ZP3: variants seen among roughly 807,000 people sequenced by gnomAD.
ZP3 encodes zona pellucida glycoprotein 3, also known as zona pellucida sperm-binding protein 3.
ZP3 carries 21 observed loss-of-function variants against 35.6 expected under a neutral mutation model. The observed-to-expected ratio is 0.59, with a 90% confidence interval of 0.42 to 0.85. ZP3 has a LOEUF of 0.85. ZP3 is among the 40% of genes least tolerant of loss of function. The pLI, the probability that ZP3 is intolerant of heterozygous loss-of-function variation, is 0.00. For synonymous variants in ZP3, 207 were observed against 214.5 expected, an observed-to-expected ratio of 0.96 and a Z score of 0.31; for missense variants, 437 against 536.5, an observed-to-expected ratio of 0.81 and a Z score of 1.83.
intron 1 of ZP3, among the ~76,000 whole-genome samples, chr7:76,417,344 C>G (rs1805401770): frequency 1.3e-5 from 2 of 152,088 alleles, no homozygotes; most frequent in Non-Finnish European, 1.5e-5. Flanking sequence ...CAGGCGTGAG[C>G]CACCGTGCCC....
intron 1 of ZP3, chr7:76,404,252 G>T: frequency 1.3e-6 from 2 of 1,484,778 alleles, no homozygotes; most frequent in Non-Finnish European, 1.8e-6. Flanking sequence ...GTTACAGCTG[G>T]GACAACTGAG....
At chr7:76,415,768 TA>T in intron 1 of ZP3, among the ~76,000 whole-genome samples, 1 of 151,584 alleles carries the variant, frequency 6.6e-6, no homozygotes, top group South Asian at 2.1e-4. Flanking sequence ...GTGCTGCAAT[TA>T]CAGGCATGAG....
intron 5 of ZP3, among the ~76,000 whole-genome samples, chr7:76,436,049 T>TCC (rs1805996083): frequency 2.6e-3 from 123 of 46,686 alleles, no homozygotes; most frequent in South Asian, 0.016. Flanking sequence ...TTTTTTTTTT[T>TCC]TTTTTTTTTT....
chr7:76,411,423 C>CG (rs1274644479), intron 1 of ZP3, among the ~76,000 whole-genome samples: 1 of 151,842 alleles, frequency 6.6e-6, no homozygotes, highest in Non-Finnish European at 1.5e-5. Context: ...GAAACATAGC[C>CG]GGGCATGATG....
At chr7:76,400,468 T>A (rs1804783454) in intron 1 of ZP3, 1 of 1,608,460 alleles carries the variant, frequency 6.2e-7, no homozygotes, top group African/African-American at 1.3e-5. Flanking sequence ...ACAGCCCAGC[T>A]GGCGACACAC....
At chr7:76,441,131 A>G (rs1806184857) in intron 7 of ZP3, among the ~76,000 whole-genome samples, 1 of 151,326 alleles carries the variant, frequency 6.6e-6, no homozygotes. Flanking sequence ...AGATTGCACC[A>G]TTGTACTCCA....
rs1563686966 is a variant in ZP3 at position 76,405,310 on chromosome 7, TATA to T, written c.-67+7514_-67+7516del. Among the ~76,000 whole-genome samples the T allele has an allele frequency of 4.2e-4, 28 of 66,444 alleles. 1 individual carries two copies. The highest frequency in any genetic ancestry group is 1.9e-3 in the African/African-American group (27 of 14,318). The allele number at this position is 66,444 out of a possible 152,430, so 43.6% of individuals were successfully genotyped here. A position where few individuals can be genotyped will look rare whatever the true frequency, so the allele number is the denominator to read the frequency against. ...ATATATATATATATATATATATATATATATATGTATTTTTTTCTTTCTTTCTTT... is the reference window on the plus strand; with the variant it reads ...ATATATATATATATATATATATATATTATGTATTTTTTTCTTTCTTTCTTT... On this transcript the variant is annotated intron_variant, in intron 1 of 8. Transcript: ENST00000336517.
rs773550860 is a variant in ZP3, at chr7:76,429,465, T to C, written c.313-50T>C. On this transcript the variant is annotated intron_variant, in intron 1 of 7. Transcript: ENST00000394857. Reference sequence around the variant, plus strand: ...TGAGCACTCAGGTATGGCTTGGGAGTACCCGGGCAGGTGATGGCCGGCAGC... The same window carrying C: ...TGAGCACTCAGGTATGGCTTGGGAGCACCCGGGCAGGTGATGGCCGGCAGC... 8.2e-6 allele frequency: 13 copies of C among 1,577,758 alleles called. No individual in the cohort carries two copies. The East Asian group carries it at 2.9e-4, about 35-fold the overall frequency.
chr7:76,436,073 T>C (rs1805997790), intron 5 of ZP3, among the ~76,000 whole-genome samples: 3 of 96,956 alleles, frequency 3.1e-5, no homozygotes, highest in Non-Finnish European at 3.8e-5. Flanking sequence ...TTTTTTTTTT[T>C]TTGAGAGGGT....
chr7:76,418,843 G>A (rs1468015937), intron 1 of ZP3, among the ~76,000 whole-genome samples: 1 of 152,152 alleles, frequency 6.6e-6, no homozygotes, highest in Non-Finnish European at 1.5e-5. Flanking sequence ...GCCACAGAGG[G>A]AGACTCTGTC....
At chr7:76,397,562 A>T in exon 1 of ZP3, 1 of 1,604,336 alleles carries the variant, frequency 6.2e-7, no homozygotes. Flanking sequence ...GCAGTTGTGC[A>T]CACCCCAGCC....
chr7:76,400,705 A>G (rs1804793970), intron 1 of ZP3: 1 of 1,215,298 alleles, frequency 8.2e-7, no homozygotes, highest in Non-Finnish European at 1.1e-6. Flanking sequence ...ACGGGGTCTC[A>G]CTATGTTGCC....
intron 1 of ZP3, chr7:76,429,233 C>T (rs948726889): frequency 2.5e-5 from 10 of 403,010 alleles, no homozygotes; most frequent in African/African-American, 6.1e-5. Flanking sequence ...GGTACAAAGA[C>T]AGTACCTGTC....
chr7:76,415,488 A>G (rs1805348212), intron 1 of ZP3, among the ~76,000 whole-genome samples: 1 of 148,316 alleles, frequency 6.7e-6, no homozygotes, highest in Non-Finnish European at 1.5e-5. Flanking sequence ...ATTTTATTTT[A>G]TTTTTTATTT....
chr7:76,441,699 G>T (rs1245357014), intron 7 of ZP3, 143 bp from the exon 8 acceptor site: 7 of 1,293,726 alleles, frequency 5.4e-6, no homozygotes, highest in South Asian at 1.2e-5. Flanking sequence ...AGAAAGCTGT[G>T]TTTTTTTTGT....
intron 7 of ZP3, among the ~76,000 whole-genome samples, chr7:76,441,448 G>A (rs1478814060): frequency 4.6e-5 from 7 of 151,802 alleles, no homozygotes; most frequent in African/African-American, 1.5e-4. Flanking sequence ...GAGAGCAATG[G>A]CACGATCTCT....
chr7:76,440,402 T>C (rs1203995126), intron 6 of ZP3, 61 bp downstream of exon 6: 1 of 1,611,282 alleles, frequency 6.2e-7, no homozygotes, highest in Non-Finnish European at 8.5e-7. Context: ...CCTTGTCTAT[T>C]TCCCCCAATA....
chr7:76,441,478 T>C (rs1806198097), intron 7 of ZP3, among the ~76,000 whole-genome samples: 1 of 151,872 alleles, frequency 6.6e-6, no homozygotes, highest in Non-Finnish European at 1.5e-5. Flanking sequence ...AACCTCTACC[T>C]CCCAGGTTCA....
chr7:76,400,154 C>CA, intron 1 of ZP3: 1 of 1,036,964 alleles, frequency 9.6e-7, no homozygotes, highest in Non-Finnish European at 1.3e-6. Flanking sequence ...TCCCTGGCAC[C>CA]AGGCATTGTA....
Sources: gnomAD v4.1 joint callset for allele counts (sites outside exome capture counted in the v4.1 genomes callset) on GRCh38, gnomAD v4.1.1 for gene constraint, MANE v1.5 for transcripts, NCBI Gene and HGNC (gene_info 2026-07-23, HGNC 2026-07-21) for gene names.